TAF1D: variants seen among roughly 807,000 people sequenced by gnomAD.
The protein encoded by TAF1D is TATA-box binding protein associated factor, RNA polymerase I subunit D, also known as TATA box-binding protein-associated factor RNA polymerase I subunit D.
A neutral mutation model predicts 26.2 loss-of-function variants in TAF1D; 23 were observed. That is an observed-to-expected ratio of 0.88 (90% CI 0.63 to 1.25). The LOEUF (loss-of-function observed/expected upper bound fraction) is 1.25. Ranked by LOEUF, TAF1D falls within the 50% of genes most tolerant of loss-of-function variation. TAF1D has a pLI of 0.00. For synonymous variants in TAF1D, 100 were observed against 105.6 expected, an observed-to-expected ratio of 0.95 and a Z score of 0.33; for missense variants, 299 against 322.0, an observed-to-expected ratio of 0.93 and a Z score of 0.55.
intron 3 of TAF1D, 120 bp from the exon 4 acceptor site, chr11:93,737,359 A>G (rs1458911553): frequency 1.7e-6 from 1 of 592,762 alleles, no homozygotes; most frequent in African/African-American, 1.9e-5. Context: ...TATCTTAACT[A>G]CTCCCCACTT....
At chr11:93,735,079 T>C (rs759633601), downstream of TAF1D, 2 of 1,313,714 alleles carry the variant, frequency 1.5e-6, no homozygotes, top group South Asian at 2.4e-5. Context: ...TGGCTATCAA[T>C]ACTCCCATCA....
chr11:93,739,199 A>G (rs2135519082), intron 2 of TAF1D, 38 bp downstream of exon 2: 1 of 1,486,808 alleles, frequency 6.7e-7, no homozygotes, highest in Non-Finnish European at 9.3e-7. Context: ...ATAGTTTCTC[A>G]TAATTCAGAT....
downstream of TAF1D, chr11:93,734,919 G>C: frequency 1.2e-6 from 1 of 814,562 alleles, no homozygotes; most frequent in Non-Finnish European, 1.7e-6. Context: ...ACATGCCCCA[G>C]TACCCAGCTA....
At chr11:93,731,265 AATCT>A (rs1251941626), downstream of TAF1D, 4 of 346,578 alleles carry the variant, frequency 1.2e-5, no homozygotes, top group Non-Finnish European at 2.2e-5. Flanking sequence ...TAAGTACATA[AATCT>A]ATCTTTCAAG....
intron 1 of TAF1D, among the ~76,000 whole-genome samples, chr11:93,740,542 T>A (rs1343872634): frequency 1.3e-5 from 2 of 151,994 alleles, no homozygotes; most frequent in African/African-American, 2.4e-5. Flanking sequence ...TGTCTCATTC[T>A]GTAGCTTCTT....
chr11:93,736,728 T>G lies in TAF1D; in HGVS notation c.659A>C (p.His220Pro). 1 of 1,611,378 alleles carries G rather than the reference T, an allele frequency of 6.2e-7. No individual in the cohort carries two copies. Among genetic ancestry groups the G allele is most frequent in the Non-Finnish European group, 8.5e-7 (1 of 1,179,278 alleles). Residue 220 changes from histidine (H) to proline (P), a missense_variant, in exon 5 of 6, where the codon CAT becomes CCT. His to Pro is a moderately conservative substitution (Grantham distance 77, BLOSUM62 -2). Coordinates refer to ENST00000448108, the MANE Select transcript of TAF1D (RefSeq NM_024116.4). ...ESTAEDEDAT[H>P]LEDNECDIKL... ...GATATCACATTCGTTATCTTCAAGA[T>G]GTGTTGCATCCTCATCCTCTGCTCT...
chr11:93,736,971 A>T, intron 4 of TAF1D, 93 bp downstream of exon 4: 4 of 1,204,308 alleles, frequency 3.3e-6, no homozygotes, highest in Non-Finnish European at 4.5e-6. Flanking sequence ...TCATTATTTA[A>T]GTATAACTAT....
At chr11:93,739,354 A>G in intron 1 of TAF1D, 23 bp from the exon 2 acceptor site, 1 of 1,537,870 alleles carries the variant, frequency 6.5e-7, no homozygotes, top group Non-Finnish European at 8.9e-7. Flanking sequence ...AATTTAGTAA[A>G]TATGACAAAG....
downstream of TAF1D, chr11:93,734,729 G>A: frequency 3.1e-6 from 4 of 1,286,550 alleles, no homozygotes; most frequent in Non-Finnish European, 4.0e-6. Flanking sequence ...TACTGCTGAG[G>A]ATTTCCCTCA....
In TAF1D at chr11:93,730,512, G is replaced by A. The variant is rs550193757; in HGVS notation, c.*939C>T. 77 of 713,372 alleles carry A rather than the reference G, an allele frequency of 1.1e-4. 1 individual carries two copies. Among genetic ancestry groups the A allele is most frequent in the African/African-American group, 1.1e-3 (62 of 58,076 alleles). The allele number at this position is 713,372 out of a possible 1,614,324, so 44.2% of individuals were successfully genotyped here. A position where few individuals can be genotyped will look rare whatever the true frequency, so the allele number is the denominator to read the frequency against. ...CATGGCAACAATCCTGGATTATTACGTTTTATATCTCCTCAGGAAAACATA... is the reference window on the plus strand; with the variant it reads ...CATGGCAACAATCCTGGATTATTACATTTTATATCTCCTCAGGAAAACATA... On this transcript the variant is annotated 3_prime_UTR_variant and NMD_transcript_variant, in exon 12 of 12. Transcript: ENST00000323981.
chr11:93,731,751 AC>A (rs1938978899), downstream of TAF1D: 2 of 351,196 alleles, frequency 5.7e-6, no homozygotes, highest in South Asian at 4.4e-5. Context: ...GAATTAACTT[AC>A]CAAGAATCTT....
At position 93,738,231 on chromosome 11, in the gene TAF1D, T is replaced by C. The variant is rs745970381; in HGVS notation, c.337A>G (p.Arg113Gly). The change falls in exon 3 of 6, where the codon AGA becomes GGA. Residue 113 changes from arginine to glycine, a missense_variant. Physicochemically the swap from Arg to Gly is moderately radical, Grantham distance 125. Transcript: ENST00000448108. Reference protein sequence around the residue: ...GRPRGRPEGRRNPIYSLIDKK... With the variant: ...GRPRGRPEGRGNPIYSLIDKK... The stretch of plus-strand genomic sequence containing the variant: ...TCTATTAGTGAGTATATAGGATTTC[T>C]CCTTCCTTCTGGTCTTCCCCGTGGT... The C allele has an allele frequency of 1.9e-6, 3 of 1,613,024 alleles. No homozygotes were observed. The highest frequency in any genetic ancestry group is 3.3e-4 in the Middle Eastern group (2 of 6,052).
downstream of TAF1D, chr11:93,732,948 C>T (rs1939596461): frequency 3.7e-6 from 1 of 273,846 alleles, no homozygotes; most frequent in Non-Finnish European, 7.2e-6. Context: ...CATTTTCCTT[C>T]TCTATACAAA....
intron 2 of TAF1D, 85 bp from the exon 3 acceptor site, chr11:93,738,584 TC>T (rs1941217055): frequency 1.1e-5 from 15 of 1,351,616 alleles, no homozygotes; most frequent in African/African-American, 3.0e-5. Context: ...GTACATTTCT[TC>T]CAAGACCAAC....
In TAF1D at chr11:93,739,284, A is replaced by C; in HGVS notation, c.21T>G (p.Asp7Glu). 6.2e-7 allele frequency: 1 copy of C among 1,611,476 alleles called. No homozygotes were observed. The highest frequency in any genetic ancestry group is 8.5e-7 in the Non-Finnish European group (1 of 1,179,478). Residue 7 changes from aspartate to glutamate, a missense_variant, in exon 2 of 6, where the codon GAT becomes GAG. By Grantham distance (45) the Asp-to-Glu change is conservative. Coordinates refer to ENST00000448108, the MANE Select transcript of TAF1D (RefSeq NM_024116.4). MDKSGI[D>E]SLDHVTSDAV... The stretch of plus-strand genomic sequence containing the variant: ...CATCAGATGTCACATGGTCAAGAGA[A>C]TCTATTCCTGATTTATCCATCAATT...
chr11:93,734,984 G>A, downstream of TAF1D: 7 of 1,180,606 alleles, frequency 5.9e-6, no homozygotes, highest in Non-Finnish European at 7.6e-6. Flanking sequence ...GGCTGGTCTT[G>A]AACTCCTGGT....
chr11:93,735,344 G>A (rs1940529057), downstream of TAF1D: 1 of 1,125,106 alleles, frequency 8.9e-7, no homozygotes, highest in Non-Finnish European at 1.1e-6. Flanking sequence ...TTGAATAAAT[G>A]TGTATGCCTT....
intron 3 of TAF1D, 29 bp from the exon 4 acceptor site, chr11:93,737,268 C>A (rs776560670): frequency 2.0e-6 from 3 of 1,509,252 alleles, no homozygotes; most frequent in African/African-American, 2.8e-5. Flanking sequence ...ATAAGTATGT[C>A]GAGATTTTAT....
At chr11:93,738,993 G>C in intron 2 of TAF1D, 1 of 516,736 alleles carries the variant, frequency 1.9e-6, no homozygotes, top group Non-Finnish European at 3.4e-6. Flanking sequence ...GTCTGGAAGA[G>C]ATGCTAATAT....
Sources: allele counts gnomAD v4.1 joint callset (sites outside exome capture counted in the v4.1 genomes callset), GRCh38; gene constraint gnomAD v4.1.1; transcripts MANE v1.5; gene names NCBI Gene and HGNC (gene_info 2026-07-23, HGNC 2026-07-21).